THSD7B: variants seen among roughly 807,000 people sequenced by gnomAD.
THSD7B encodes thrombospondin type-1 domain-containing protein 7B.
A neutral mutation model predicts 213.6 loss-of-function variants in THSD7B; 138 were observed. The observed-to-expected ratio is 0.65, with a 90% CI of 0.56 to 0.74. The LOEUF (loss-of-function observed/expected upper bound fraction) is 0.74. THSD7B is among the 30% of genes least tolerant of loss of function. The pLI is 0.00. For synonymous variants in THSD7B, 742 were observed against 687.0 expected (o/e 1.08, Z -1.25); for missense variants, 1,931 against 1,991.5 (o/e 0.97, Z 0.58).
intron 12 of THSD7B, among the ~76,000 whole-genome samples, chr2:137,347,693 C>T (rs1292574573): frequency 1.3e-5 from 2 of 151,034 alleles, no homozygotes; most frequent in Non-Finnish European, 3.0e-5. Flanking sequence ...TCACATCCCC[C>T]TTTGTTTCCT....
chr2:137,069,504 C>G (rs947706062), intron 3 of THSD7B, among the ~76,000 whole-genome samples: 6 of 151,898 alleles, frequency 4.0e-5, no homozygotes, highest in Non-Finnish European at 8.8e-5. Context: ...GTTTGGGCAT[C>G]CTTTTAAGAG....
intron 12 of THSD7B, among the ~76,000 whole-genome samples, chr2:137,303,716 TTA>T (rs1231232248): frequency 7.8e-6 from 1 of 128,628 alleles, no homozygotes; most frequent in Non-Finnish European, 1.6e-5. Flanking sequence ...ATATATATAT[TTA>T]TATATATATT....
At chr2:137,276,502 A>C (rs1490085025) in intron 12 of THSD7B, among the ~76,000 whole-genome samples, 1 of 152,136 alleles carries the variant, frequency 6.6e-6, no homozygotes, top group African/African-American at 2.4e-5. Context: ...TATATCTTAC[A>C]TGTCATATGC....
At chr2:137,446,587 G>A (rs1363931983) in intron 14 of THSD7B, among the ~76,000 whole-genome samples, 2 of 151,880 alleles carry the variant, frequency 1.3e-5, no homozygotes, top group Admixed American at 1.3e-4. Context: ...ACAAAGTTTG[G>A]TGTATTCTCT....
At chr2:137,313,644 C>T (rs544277456) in intron 12 of THSD7B, among the ~76,000 whole-genome samples, 14 of 152,018 alleles carry the variant, frequency 9.2e-5, no homozygotes, top group Non-Finnish European at 1.3e-4. Context: ...GTGGCTGGTA[C>T]TGGTTGTTCC....
intron 2 of THSD7B, among the ~76,000 whole-genome samples, chr2:137,033,874 C>G (rs918458320): frequency 6.6e-6 from 1 of 152,010 alleles, no homozygotes; most frequent in Admixed American, 6.5e-5. Context: ...ATGTGCCATG[C>G]TGGCCTGCTG....
intron 3 of THSD7B, among the ~76,000 whole-genome samples, chr2:137,058,021 T>C (rs1401896612): frequency 6.6e-6 from 1 of 152,228 alleles, no homozygotes; most frequent in African/African-American, 2.4e-5. Flanking sequence ...TAAGATGCCT[T>C]TCAATAGTAC....
intron 15 of THSD7B, among the ~76,000 whole-genome samples, chr2:137,520,067 T>C (rs1333755442): frequency 6.6e-6 from 1 of 152,224 alleles, no homozygotes; most frequent in African/African-American, 2.4e-5. Flanking sequence ...AGACTTCCCA[T>C]TTTATTGTCC....
intron 12 of THSD7B, among the ~76,000 whole-genome samples, chr2:137,301,373 A>G (rs1683596843): frequency 6.6e-6 from 1 of 151,888 alleles, no homozygotes; most frequent in East Asian, 1.9e-4. Context: ...CATAAACACC[A>G]GGTCTAGATA....
intron 14 of THSD7B, among the ~76,000 whole-genome samples, chr2:137,417,447 T>A (rs1399543975): frequency 6.6e-6 from 1 of 152,180 alleles, no homozygotes; most frequent in Non-Finnish European, 1.5e-5. Flanking sequence ...TATTTTATTT[T>A]ACTTTATTTT....
chr2:137,306,599 A>T (rs557119874), intron 12 of THSD7B, among the ~76,000 whole-genome samples: 1 of 152,250 alleles, frequency 6.6e-6, no homozygotes, highest in East Asian at 1.9e-4. Flanking sequence ...GGCATAATTT[A>T]AAAACTTACA....
chr2:137,290,860 C>T (rs1355260245), intron 12 of THSD7B, among the ~76,000 whole-genome samples: 1 of 152,136 alleles, frequency 6.6e-6, no homozygotes, highest in Non-Finnish European at 1.5e-5. Context: ...ACTCTCCAGC[C>T]TATTCCCTTT....
chr2:137,656,207 A>C (rs1683233698), intron 22 of THSD7B, among the ~76,000 whole-genome samples: 1 of 152,192 alleles, frequency 6.6e-6, no homozygotes, highest in Non-Finnish European at 1.5e-5. Flanking sequence ...GCATAAGTTC[A>C]AGTGACAATA....
Position 137,056,917 on chromosome 2 carries a change from G to T in THSD7B, c.637G>T (p.Gly213Cys), listed in dbSNP as rs748195306. The change falls in exon 3 of 28, where the codon GGT (glycine) becomes TGT (cysteine). Residue 213 changes from glycine (G) to cysteine (C), a missense_variant. Coordinates refer to ENST00000409968, the MANE Select transcript of THSD7B (RefSeq NM_001316349.2). ...TRAVIAPPLF[G>C]GLQCPNLTES... ...CGCGGTCATAGCTCCCCCTCTCTTTGGTGGTTTGCAATGTCCAAATCTGAC... is the reference window on the plus strand; with the variant it reads ...CGCGGTCATAGCTCCCCCTCTCTTTTGTGGTTTGCAATGTCCAAATCTGAC... 6.2e-7 allele frequency: 1 copy of T among 1,613,748 alleles called. No homozygotes were observed. The highest frequency in any genetic ancestry group is 8.5e-7 in the Non-Finnish European group (1 of 1,179,872).
intron 10 of THSD7B, among the ~76,000 whole-genome samples, chr2:137,271,431 T>TATATATAATATAATATATAATATA (rs1161941313): frequency 5.1e-5 from 7 of 136,852 alleles, no homozygotes; most frequent in South Asian, 4.4e-4. Context: ...AATTATATAA[T>TATATATAATATAATATATAATATA]ATATATAATA....
chr2:137,156,590 A>T (rs982398240), intron 5 of THSD7B, among the ~76,000 whole-genome samples: 30 of 152,100 alleles, frequency 2.0e-4, no homozygotes, highest in African/African-American at 7.2e-4. Flanking sequence ...ATCAAAGGGG[A>T]CTCAGGGGAC....
In THSD7B at chr2:136,879,670, T is replaced by G. The variant is rs569785725; in HGVS notation, c.-35-2474T>G. On this transcript the variant is annotated intron_variant, in intron 1 of 27. Transcript: ENST00000409968. The stretch of plus-strand genomic sequence containing the variant: ...TTGGATTCCTAGGTATTTTATTCTC[T>G]TTGAAGCAATTTTGAATGGAGACCC... Among the ~76,000 whole-genome samples the G allele has an allele frequency of 4.6e-5, 7 of 152,280 alleles. No individual in the cohort carries two copies. In the South Asian group the frequency reaches 1.5e-3, roughly 32 times the overall value.
intron 14 of THSD7B, among the ~76,000 whole-genome samples, chr2:137,431,067 C>CCATA (rs1687170869): frequency 6.6e-6 from 1 of 152,070 alleles, no homozygotes; most frequent in South Asian, 2.1e-4. Context: ...TGAACGTGGC[C>CCATA]CATAACACAG....
At chr2:136,898,387 G>A (rs772942417) in intron 2 of THSD7B, among the ~76,000 whole-genome samples, 22 of 152,134 alleles carry the variant, frequency 1.4e-4, no homozygotes, top group Admixed American at 2.0e-4. Context: ...TAGACTGAGT[G>A]CAGTGAACTC....
Sources: allele counts gnomAD v4.1 joint callset (sites outside exome capture counted in the v4.1 genomes callset), GRCh38; gene constraint gnomAD v4.1.1; transcripts MANE v1.5; gene names NCBI Gene and HGNC (gene_info 2026-07-23, HGNC 2026-07-21).